ZNF44: variants seen among roughly 807,000 people sequenced by gnomAD.
The protein encoded by ZNF44 is zinc finger protein 44.
ZNF44 carries 9 observed loss-of-function variants against 11.7 expected under a neutral mutation model. The observed-to-expected ratio is 0.77, with a 90% CI of 0.46 to 1.35. ZNF44 has a LOEUF of 1.35. Ranked by LOEUF, ZNF44 falls within the 40% of genes most tolerant of loss-of-function variation. The probability of loss-of-function intolerance (pLI) is 0.00; values close to 1 mark genes in which losing one functional copy is unlikely to be tolerated. For synonymous variants in ZNF44, 224 were observed against 242.7 expected (o/e 0.92, Z 0.72); for missense variants, 696 against 743.1 (o/e 0.94, Z 0.74).
At chr19:12,275,492 C>T (rs1342633152) in intron 2 of ZNF44, among the ~76,000 whole-genome samples, 1 of 151,842 alleles carries the variant, frequency 6.6e-6, no homozygotes, top group East Asian at 1.9e-4. Context: ...ACTAAAAATA[C>T]AAAAAATTAG....
At chr19:12,255,602 A>G (rs1397926617) in intron 5 of ZNF44, among the ~76,000 whole-genome samples, 3 of 152,204 alleles carry the variant, frequency 2.0e-5, no homozygotes, top group Non-Finnish European at 2.9e-5. Flanking sequence ...TCCCAGTAAG[A>G]TGAAGAACAA....
upstream of ZNF44, among the ~76,000 whole-genome samples, chr19:12,239,186 C>T (rs2459008): frequency 6.0e-3 from 905 of 151,656 alleles, 9 homozygotes; most frequent in African/African-American, 0.021. Context: ...GATCTCGGCT[C>T]ACTGCAGCCC....
chr19:12,276,579 T>G (rs1235581009), intron 1 of ZNF44, among the ~76,000 whole-genome samples: 1 of 152,178 alleles, frequency 6.6e-6, no homozygotes, highest in African/African-American at 2.4e-5. Context: ...AAAATTATGG[T>G]ATTTGCTTAA....
chr19:12,247,015 G>A (rs541148960), downstream of ZNF44, among the ~76,000 whole-genome samples: 50 of 150,698 alleles, frequency 3.3e-4, no homozygotes, highest in East Asian at 1.4e-3. Flanking sequence ...AAATATATAC[G>A]TATATATATA....
At chr19:12,289,017 ACTTGTGGCCAGGCCTGATGG>A (rs1374588622) in intron 1 of ZNF44, among the ~76,000 whole-genome samples, 2 of 151,814 alleles carry the variant, frequency 1.3e-5, no homozygotes, top group Non-Finnish European at 2.9e-5. Flanking sequence ...TCCAAAGGAA[ACTTGTGGCCAGGCCTGATGG>A]CTCACGTCTC....
chr19:12,234,550 C>T (rs1427704019), intron 2 of ZNF44: 1 of 152,158 alleles, frequency 6.6e-6, no homozygotes. Flanking sequence ...GCACTGCAGC[C>T]ATGCTTGATC....
At chr19:12,278,799 C>T (rs899029392) in intron 1 of ZNF44, among the ~76,000 whole-genome samples, 11 of 151,642 alleles carry the variant, frequency 7.3e-5, no homozygotes, top group Admixed American at 6.6e-5. Context: ...TTTTTCTTTA[C>T]AAATAAGCAT....
In ZNF44 at chr19:12,272,306, A is replaced by C; in HGVS notation, c.*101T>G. The C allele has an allele frequency of 7.2e-7, 1 of 1,391,212 alleles. No homozygotes were observed. Among genetic ancestry groups the C allele is most frequent in the Non-Finnish European group, 9.3e-7 (1 of 1,075,108 alleles). 86.2% of individuals were successfully genotyped at this position (1,391,212 alleles called of 1,614,324 possible). The stretch of plus-strand genomic sequence containing the variant: ...GTGTGAGCCGCTGCGCCCAGCCTGG[A>C]AACTTCTTAAGGCTTTACCACGTTT... On this transcript the variant is annotated 3_prime_UTR_variant, in exon 4 of 4. Transcript: ENST00000355684.
intron 3 of ZNF44, among the ~76,000 whole-genome samples, chr19:12,274,654 C>CA (rs2145729069): frequency 6.6e-6 from 1 of 151,240 alleles, no homozygotes; most frequent in African/African-American, 2.4e-5. Context: ...ACTGCAGCCT[C>CA]AAACTCCCAG....
intron 5 of ZNF44, among the ~76,000 whole-genome samples, chr19:12,265,096 C>G (rs563026122): frequency 6.6e-6 from 1 of 152,166 alleles, no homozygotes; most frequent in South Asian, 2.1e-4. Flanking sequence ...AAAAAACGAG[C>G]CTCAGAAACT....
chr19:12,270,631 T>C (rs995087469), downstream of ZNF44, among the ~76,000 whole-genome samples: 4 of 152,036 alleles, frequency 2.6e-5, no homozygotes, highest in African/African-American at 9.7e-5. Context: ...TTTGTATTTT[T>C]AGTAGAGATG....
intron 1 of ZNF44, among the ~76,000 whole-genome samples, chr19:12,287,571 G>A (rs1246013088): frequency 1.3e-5 from 2 of 152,098 alleles, no homozygotes; most frequent in Non-Finnish European, 2.9e-5. Context: ...TTGTCTTTCT[G>A]TGTCTGAGTT....
upstream of ZNF44, among the ~76,000 whole-genome samples, chr19:12,241,957 T>C (rs573377912): frequency 1.9e-3 from 292 of 152,208 alleles, 1 homozygote; most frequent in African/African-American, 6.5e-3. Flanking sequence ...GGACAAATAC[T>C]GCATGCTTCT....
downstream of ZNF44, chr19:12,247,371 G>A (rs529105193): frequency 2.5e-5 from 32 of 1,301,224 alleles, no homozygotes; most frequent in East Asian, 1.4e-3. Flanking sequence ...TTTCTCTCCA[G>A]TGTGCATTCT....
chr19:12,235,244 C>T (rs1339236910), intron 1 of ZNF44, among the ~76,000 whole-genome samples: 3 of 152,164 alleles, frequency 2.0e-5, no homozygotes, highest in Non-Finnish European at 2.9e-5. Context: ...TAGCAGGCGC[C>T]TGTAGTCCCA....
chr19:12,269,282 T>C (rs1966887226), downstream of ZNF44, among the ~76,000 whole-genome samples: 1 of 152,138 alleles, frequency 6.6e-6, no homozygotes, highest in African/African-American at 2.4e-5. Flanking sequence ...CCCAGCACTT[T>C]GGGAGGCCAA....
exon 7 of ZNF44, chr19:12,249,988 T>G (rs1429248646): frequency 7.8e-7 from 1 of 1,286,258 alleles, no homozygotes; most frequent in Non-Finnish European, 1.0e-6. Flanking sequence ...CTGAGATTTC[T>G]CCCCTGGTTT....
chr19:12,284,677 A>G, intron 1 of ZNF44: 1 of 753,878 alleles, frequency 1.3e-6, no homozygotes. Context: ...ACCAGGTTCA[A>G]GGCGTTTGTT....
downstream of ZNF44, among the ~76,000 whole-genome samples, chr19:12,243,867 C>CA (rs1442584131): frequency 6.6e-6 from 1 of 152,112 alleles, no homozygotes; most frequent in Non-Finnish European, 1.5e-5. Flanking sequence ...TATGAGGTAA[C>CA]ATGTAATTGT....
Sources: allele counts gnomAD v4.1 joint callset (sites outside exome capture counted in the v4.1 genomes callset), GRCh38; gene constraint gnomAD v4.1.1; transcripts MANE v1.5; gene names NCBI Gene and HGNC (gene_info 2026-07-23, HGNC 2026-07-21).